TMEM8B: variants seen among roughly 807,000 people sequenced by gnomAD.
TMEM8B encodes transmembrane protein 8B, also known as nasopharyngeal carcinoma expressed 6.
TMEM8B carries 29 observed loss-of-function variants against 49.3 expected under a neutral mutation model. The observed-to-expected ratio is 0.59, with a 90% CI of 0.44 to 0.80. The LOEUF (loss-of-function observed/expected upper bound fraction) is 0.80. Ranked by LOEUF, TMEM8B falls within the 30% of genes least tolerant of loss-of-function variation. The pLI is 0.00. For missense variants in TMEM8B, 575 were observed against 658.5 expected, an observed-to-expected ratio of 0.87 and a Z score of 1.39; for synonymous variants, 264 against 272.8, an observed-to-expected ratio of 0.97 and a Z score of 0.32.
rs1418365953 is a variant in TMEM8B, at chr9:35,855,708, T to C, written c.*1868T>C. 1 of 152,212 alleles carries C rather than the reference T, an allele frequency of 6.6e-6. No homozygotes were observed. Among genetic ancestry groups the C allele is most frequent in the Non-Finnish European group, 1.5e-5 (1 of 68,056 alleles). The allele number at this position is 152,212 out of a possible 1,614,324, so 9.4% of individuals were successfully genotyped here. A position where few individuals can be genotyped will look rare whatever the true frequency, so the allele number is the denominator to read the frequency against. On this transcript the variant is annotated 3_prime_UTR_variant, in exon 13 of 13. Coordinates refer to ENST00000643932, the MANE Select transcript of TMEM8B (RefSeq NM_001042590.4). ...CGCGCCTGGCCTCTCCTGAATCTTT[T>C]ATCTATGCCTTAAGCCTTTTCTGTT...
In TMEM8B at chr9:35,842,594, C is replaced by T; in HGVS notation, c.1512C>T (p.His504=). The T allele has an allele frequency of 6.2e-7, 1 of 1,614,262 alleles. No homozygotes were observed. The highest frequency in any genetic ancestry group is 1.6e-4 in the Middle Eastern group (1 of 6,062). ...ACGAGCTGGACACCTTCTCTGTCCA[C>T]TTCTACATCTTCTTTGGCCCAAGTG... ...LRNELDTFSV[H]FYIFFGPSVA... is the part of the protein sequence containing the mutation. Residue 504 remains histidine (H), a synonymous_variant, in exon 6 of 13, where the codon CAC becomes CAT. Coordinates refer to ENST00000643932, the MANE Select transcript of TMEM8B (RefSeq NM_001042590.4). The surrounding 1 kb of genome is among the most constrained non-coding windows in gnomAD (Gnocchi z 5.6).
Position 35,846,898 on chromosome 9 carries a change from T to G in TMEM8B, c.2078T>G (p.Leu693Arg). ...CTGCTGTCCACACTCCTGCTCTGCCTGAGCAACCTCATGTTTCTGCCACCT... is the reference window on the plus strand; with the variant it reads ...CTGCTGTCCACACTCCTGCTCTGCCGGAGCAACCTCATGTTTCTGCCACCT... ...FQLLSTLLLC[L>R]SNLMFLPPVV... Residue 693 changes from leucine to arginine, a missense_variant, in exon 10 of 13, where the codon CTG becomes CGG. Leu to Arg is a moderately radical substitution (Grantham distance 102, BLOSUM62 -2). Coordinates refer to ENST00000643932, the MANE Select transcript of TMEM8B (RefSeq NM_001042590.4). 6.2e-7 allele frequency: 1 copy of G among 1,614,252 alleles called. No homozygotes were observed. The highest frequency in any genetic ancestry group is 8.5e-7 in the Non-Finnish European group (1 of 1,180,040).
At chr9:35,831,930 C>T (rs903776457) in intron 1 of TMEM8B, among the ~76,000 whole-genome samples, 2 of 152,124 alleles carry the variant, frequency 1.3e-5, no homozygotes, top group African/African-American at 2.4e-5. Context: ...GAGAGGCTGG[C>T]AGTGTCATAG....
chr9:35,835,277 TC>T, intron 3 of TMEM8B, 59 bp downstream of exon 3: 1 of 411,816 alleles, frequency 2.4e-6, no homozygotes. Context: ...TCTGCTGAAT[TC>T]CCCCCACAGG....
chr9:35,833,614 C>G (rs1467411127), intron 1 of TMEM8B, among the ~76,000 whole-genome samples: 2 of 152,202 alleles, frequency 1.3e-5, no homozygotes, highest in African/African-American at 4.8e-5. Flanking sequence ...ACTCGGCCTG[C>G]TCTGAATATT....
In TMEM8B at chr9:35,829,567, C is replaced by G. The variant is rs1320934557; in HGVS notation, c.120C>G (p.Thr40=). Residue 40 remains threonine, a synonymous_variant, in exon 1 of 13, where the codon ACC becomes ACG. Transcript: ENST00000643932. ...PQPLPGSPSR[T]PFQSLPLAWP... ...CCCTGCCTGGGTCCCCATCCAGGAC[C>G]CCCTTCCAGTCTCTGCCCCTGGCCT... is the stretch of plus-strand genomic sequence containing the variant. The G allele has an allele frequency of 2.5e-6, 1 of 399,318 alleles. No homozygotes were observed. Among genetic ancestry groups the G allele is most frequent in the Non-Finnish European group, 4.4e-6 (1 of 226,432 alleles). 24.7% of individuals were successfully genotyped at this position (399,318 alleles called of 1,614,324 possible).
At position 35,852,267 on chromosome 9, in the gene TMEM8B, G is replaced by T. The variant is rs191624093; in HGVS notation, c.2176-560G>T. 4.5e-4 allele frequency among the ~76,000 whole-genome samples: 69 copies of T among 152,276 alleles called. No individual in the cohort carries two copies. In the Middle Eastern group the frequency reaches 0.01, roughly 23 times the overall value. The stretch of plus-strand genomic sequence containing the variant: ...TCTTCCCCATGGTGTGAAGTGCCAT[G>T]CCTCTCTCCATGGCCTTAGGGACTG... On this transcript the variant is annotated intron_variant, in intron 10 of 12. Transcript: ENST00000643932.
chr9:35,856,909 G>T lies in TMEM8B; in HGVS notation c.*3069G>T, dbSNP rs1373861510. 1 of 152,232 alleles carries T rather than the reference G, an allele frequency of 6.6e-6. No individual in the cohort carries two copies. Among genetic ancestry groups the T allele is most frequent in the African/African-American group, 2.4e-5 (1 of 41,454 alleles). The allele number at this position is 152,232 out of a possible 1,614,324, so 9.4% of individuals were successfully genotyped here. ...AGGGAAGGGGGCCAGCAATATGACA[G>T]TGCTGGACGTAGCCGCTGAACCAGG... On this transcript the variant is annotated 3_prime_UTR_variant, in exon 13 of 13. Transcript: ENST00000643932.
At position 35,844,832 on chromosome 9, in the gene TMEM8B, C is replaced by T. The variant is rs541626721; in HGVS notation, c.1636-1143C>T. 4.6e-5 allele frequency among the ~76,000 whole-genome samples: 7 copies of T among 152,346 alleles called. 1 individual carries two copies. In the South Asian group the frequency reaches 1.4e-3, roughly 32 times the overall value. On this transcript the variant is annotated intron_variant, in intron 6 of 12. Coordinates refer to ENST00000643932, the MANE Select transcript of TMEM8B (RefSeq NM_001042590.4). The stretch of plus-strand genomic sequence containing the variant: ...CTTTAATGAGCATCTGTTTACATTC[C>T]ATCCATCTGCATTCTATGACGCGTG...
rs957483505 is a variant in TMEM8B at position 35,845,381 on chromosome 9, T to G, written c.1636-594T>G. The G allele has an allele frequency of 4.1e-6, 4 of 985,036 alleles. No homozygotes were observed. In the African/African-American group the frequency reaches 5.2e-5, roughly 13 times the overall value. 61.0% of individuals were successfully genotyped at this position (985,036 alleles called of 1,614,324 possible). ...TGCCTCAAATCCTTCTTGAATGAGG[T>G]GAGCTTATGGCATCCTGTTGCCTTT... On this transcript the variant is annotated intron_variant, in intron 6 of 12. Transcript: ENST00000643932.
In TMEM8B at chr9:35,846,546, C is replaced by A. The variant is rs376475992; in HGVS notation, c.1931C>A (p.Pro644His). The A allele has an allele frequency of 1.3e-6, 2 of 1,578,520 alleles. No individual in the cohort carries two copies. Among genetic ancestry groups the A allele is most frequent in the Non-Finnish European group, 1.7e-6 (2 of 1,162,250 alleles). The change falls in exon 9 of 13, where the codon CCC (proline) becomes CAC (histidine). Residue 644 changes from proline (P) to histidine (H), a missense_variant. Pro to His is a moderately conservative substitution (Grantham distance 77). Transcript: ENST00000643932. ...FLSPCVDDCGPYGQCKLLRTH... is the reference protein window; with the variant it reads ...FLSPCVDDCGHYGQCKLLRTH... ...TCCCCATGCGTGGACGACTGCGGGC[C>A]CTACGGCCAGTGCAAGCTGCTGCGC...
intron 6 of TMEM8B, among the ~76,000 whole-genome samples, chr9:35,843,838 C>T (rs768030293): frequency 2.0e-5 from 3 of 151,794 alleles, no homozygotes; most frequent in Non-Finnish European, 2.9e-5. Context: ...TCTCGGCTCA[C>T]TGCAACCTCC....
At position 35,863,375 on chromosome 9, in the gene TMEM8B, G is replaced by A. The variant is rs79672663; in HGVS notation, c.*9535G>A. The A allele has an allele frequency of 5.9e-5, 9 of 152,124 alleles. No individual in the cohort carries two copies. Among genetic ancestry groups the A allele is most frequent in the African/African-American group, 1.2e-4 (5 of 41,394 alleles). 9.4% of individuals were successfully genotyped at this position (152,124 alleles called of 1,614,324 possible). A position where few individuals can be genotyped will look rare whatever the true frequency, so the allele number is the denominator to read the frequency against. On this transcript the variant is annotated 3_prime_UTR_variant, in exon 13 of 13. Transcript: ENST00000643932. ...TTCCTCACAACTTAAAAGTCTGATC[G>A]TAACACATTCATGGAAACTAGAACC...
At position 35,864,211 on chromosome 9, in the gene TMEM8B, A is replaced by C. The variant is rs1176747621; in HGVS notation, c.*10371A>C. ...GCTGTAATCTCTGAAACATTTCCTC[A>C]TATGTTTCTAGCAACTTCCAACCTG... is the stretch of plus-strand genomic sequence containing the variant. On this transcript the variant is annotated 3_prime_UTR_variant, in exon 13 of 13. Transcript: ENST00000643932. The C allele has an allele frequency of 1.3e-5, 2 of 152,144 alleles. No homozygotes were observed. 9.4% of individuals were successfully genotyped at this position (152,144 alleles called of 1,614,324 possible).
chr9:35,840,632 G>C (rs1441477303), intron 3 of TMEM8B, among the ~76,000 whole-genome samples: 2 of 152,142 alleles, frequency 1.3e-5, no homozygotes, highest in Non-Finnish European at 2.9e-5. Context: ...AGCGGGGCAG[G>C]GTGAGGACTA....
At chr9:35,847,144 T>C (rs755557589) in intron 10 of TMEM8B, 149 bp downstream of exon 10, 1 of 1,613,016 alleles carries the variant, frequency 6.2e-7, no homozygotes, top group African/African-American at 1.3e-5. Flanking sequence ...CTTCCCAAAC[T>C]GTCATGCATA....
At position 35,846,256 on chromosome 9, in the gene TMEM8B, A is replaced by G. The variant is rs775538325; in HGVS notation, c.1730-2A>G. 1 of 1,614,180 alleles carries G rather than the reference A, an allele frequency of 6.2e-7. No homozygotes were observed. Among genetic ancestry groups the G allele is most frequent in the Non-Finnish European group, 8.5e-7 (1 of 1,180,008 alleles). ...TCACTGACTCCTTCCTTCTCCCTTC[A>G]GAGTCCCTGGCCGGCTTCCTCCTCT... is the stretch of plus-strand genomic sequence containing the variant. On this transcript the variant is annotated splice_acceptor_variant, in intron 7 of 12. Transcript: ENST00000643932. LOFTEE classifies it high-confidence loss of function.
At chr9:35,850,032 A>G (rs1481468446) in intron 10 of TMEM8B, among the ~76,000 whole-genome samples, 1 of 152,182 alleles carries the variant, frequency 6.6e-6, no homozygotes, top group African/African-American at 2.4e-5. Flanking sequence ...CCCTCAGACC[A>G]TCCCAGGTCA....
chr9:35,843,793 C>T (rs752180781), intron 6 of TMEM8B, among the ~76,000 whole-genome samples: 18 of 152,228 alleles, frequency 1.2e-4, no homozygotes, highest in Admixed American at 5.9e-4. Context: ...GACGGAGTCT[C>T]ACTCTGTTGC....
Sources: allele counts gnomAD v4.1 joint callset (sites outside exome capture counted in the v4.1 genomes callset), GRCh38; gene constraint gnomAD v4.1.1; non-coding constraint Gnocchi (gnomAD v3.1); transcripts MANE v1.5; gene names NCBI Gene and HGNC (gene_info 2026-07-23, HGNC 2026-07-21).